The following TRPC4 variants were observed in gnomAD, a reference collection of about 807,000 sequenced individuals.
TRPC4 encodes the protein short transient receptor potential channel 4.
In TRPC4, 49 loss-of-function variants were observed where a neutral mutation model predicts 99.4. That is an observed-to-expected ratio of 0.49 (90% CI 0.39 to 0.63). The LOEUF (loss-of-function observed/expected upper bound fraction) is 0.63, where lower values mean the gene tolerates loss of function less well. Ranked by LOEUF, TRPC4 falls within the 20% of genes least tolerant of loss-of-function variation. The pLI, the probability that TRPC4 is intolerant of heterozygous loss-of-function variation, is 0.00. For synonymous variants in TRPC4, 454 were observed against 425.9 expected, an observed-to-expected ratio of 1.07 and a Z score of -0.81; for missense variants, 898 against 1,152.9, an observed-to-expected ratio of 0.78 and a Z score of 3.20.
In TRPC4 at chr13:37,633,965, T is replaced by C. The variant is rs1370660680; in HGVS notation, c.*2938A>G. Among the ~76,000 whole-genome samples, 1 of 152,086 alleles carries C rather than the reference T, an allele frequency of 6.6e-6. No individual in the cohort carries two copies. Among genetic ancestry groups the C allele is most frequent in the East Asian group, 1.9e-4 (1 of 5,198 alleles). On this transcript the variant is annotated 3_prime_UTR_variant, in exon 11 of 11. Transcript: ENST00000379705. Reference sequence around the variant, plus strand: ...TCTTTATAGCATACTTTCTTATAAATGGGACTTCCAAAATACAATTGTGAT... The same window carrying C: ...TCTTTATAGCATACTTTCTTATAAACGGGACTTCCAAAATACAATTGTGAT...
Position 37,672,276 on chromosome 13 carries a change from T to C in TRPC4, c.1374+1952A>G, listed in dbSNP as rs1032770409. ...CACACAAATGTAATAAATACAAACA[T>C]GATATAGCTTAGTTTAAATATTGTC... On this transcript the variant is annotated intron_variant, in intron 5 of 10. Coordinates refer to ENST00000379705, the MANE Select transcript of TRPC4 (RefSeq NM_016179.4). Among the ~76,000 whole-genome samples, 51 of 152,192 alleles carry C rather than the reference T, an allele frequency of 3.4e-4. 1 individual carries two copies. The highest frequency in any genetic ancestry group is 1.2e-3 in the African/African-American group (50 of 41,454).
At chr13:37,744,578 G>C (rs1955684411) in intron 3 of TRPC4, among the ~76,000 whole-genome samples, 1 of 152,226 alleles carries the variant, frequency 6.6e-6, no homozygotes, top group Non-Finnish European at 1.5e-5. Context: ...GGAAAAAATT[G>C]AGAAAGCAAG....
At chr13:37,859,117 T>C (rs1959200799) in intron 1 of TRPC4, among the ~76,000 whole-genome samples, 4 of 150,710 alleles carry the variant, frequency 2.7e-5, no homozygotes, top group African/African-American at 9.7e-5. Context: ...AATAAATCAG[T>C]TTACAGATAG....
chr13:37,788,126 G>A (rs75158340), intron 1 of TRPC4, among the ~76,000 whole-genome samples: 6,211 of 152,052 alleles, frequency 0.041, 199 homozygotes, highest in Non-Finnish European at 0.062. Context: ...CTTTCCCTCT[G>A]ATTTCAAAAG....
At chr13:37,760,453 A>C (rs1334387424) in intron 2 of TRPC4, among the ~76,000 whole-genome samples, 1 of 151,950 alleles carries the variant, frequency 6.6e-6, no homozygotes, top group Non-Finnish European at 1.5e-5. Context: ...GGGGAAGGGA[A>C]GTTATTATAA....
At chr13:37,692,745 C>T (rs918595719) in intron 3 of TRPC4, among the ~76,000 whole-genome samples, 1 of 152,122 alleles carries the variant, frequency 6.6e-6, no homozygotes, top group African/African-American at 2.4e-5. Flanking sequence ...TACAACATTA[C>T]ACTTAATTTT....
intron 4 of TRPC4, among the ~76,000 whole-genome samples, chr13:37,679,458 G>A (rs747776543): frequency 6.6e-6 from 1 of 152,086 alleles, no homozygotes; most frequent in Non-Finnish European, 1.5e-5. Context: ...TTTTCTGTAT[G>A]TTTGAAATTT....
chr13:37,830,832 A>C (rs1045566088), intron 1 of TRPC4, among the ~76,000 whole-genome samples: 1 of 148,550 alleles, frequency 6.7e-6, no homozygotes, highest in Admixed American at 6.7e-5. Flanking sequence ...ATATAATAGT[A>C]TAAAGTGTAG....
chr13:37,780,622 T>C (rs1328082909), intron 2 of TRPC4, among the ~76,000 whole-genome samples: 13 of 152,134 alleles, frequency 8.5e-5, no homozygotes, highest in African/African-American at 2.7e-4. Context: ...CCAAAAGATG[T>C]TGACCTTCCT....
At chr13:37,813,084 A>T (rs529727915) in intron 1 of TRPC4, among the ~76,000 whole-genome samples, 1 of 152,114 alleles carries the variant, frequency 6.6e-6, no homozygotes, top group South Asian at 2.1e-4. Flanking sequence ...GCATAAAATT[A>T]TAAATCAATA....
chr13:37,713,606 G>A (rs777983394), intron 3 of TRPC4, among the ~76,000 whole-genome samples: 1 of 152,060 alleles, frequency 6.6e-6, no homozygotes. Flanking sequence ...CTAAAAGAAC[G>A]TTTCAGTCTT....
At chr13:37,725,172 C>A (rs1208778735) in intron 3 of TRPC4, among the ~76,000 whole-genome samples, 1 of 151,758 alleles carries the variant, frequency 6.6e-6, no homozygotes, top group African/African-American at 2.4e-5. Context: ...GAAGATAAGA[C>A]AATTGAAATT....
At chr13:37,741,489 C>T (rs972711040) in intron 3 of TRPC4, among the ~76,000 whole-genome samples, 14 of 152,256 alleles carry the variant, frequency 9.2e-5, no homozygotes, top group African/African-American at 3.4e-4. Flanking sequence ...TGATTGGCAT[C>T]GGGATGGGAG....
intron 2 of TRPC4, among the ~76,000 whole-genome samples, chr13:37,746,866 C>T (rs968724313): frequency 6.6e-6 from 1 of 152,060 alleles, no homozygotes; most frequent in Admixed American, 6.6e-5. Flanking sequence ...GTTTTAAACC[C>T]AAGCTCTTTC....
intron 1 of TRPC4, among the ~76,000 whole-genome samples, chr13:37,844,331 G>A (rs1055163011): frequency 4.6e-5 from 7 of 150,612 alleles, no homozygotes; most frequent in Admixed American, 6.6e-5. Flanking sequence ...TTTCACTCTT[G>A]TTGCCCAGGC....
intron 3 of TRPC4, among the ~76,000 whole-genome samples, chr13:37,715,039 T>C (rs1392711987): frequency 6.6e-6 from 1 of 152,182 alleles, no homozygotes; most frequent in Non-Finnish European, 1.5e-5. Context: ...AATAAATTGA[T>C]GAAAGCAATG....
intron 5 of TRPC4, among the ~76,000 whole-genome samples, chr13:37,665,840 CAAAAAAAAA>C (rs1168472231): frequency 2.8e-5 from 2 of 71,022 alleles, no homozygotes; most frequent in Admixed American, 1.7e-4. Context: ...TCAGCTGAGA[CAAAAAAAAA>C]AAAAAAAAAA....
intron 5 of TRPC4, among the ~76,000 whole-genome samples, chr13:37,664,473 C>T (rs992460440): frequency 7.2e-5 from 11 of 151,882 alleles, no homozygotes; most frequent in African/African-American, 1.5e-4. Flanking sequence ...ATTAGGGAGG[C>T]TGAGGCAGGA....
At chr13:37,863,548 A>G (rs370769225) in intron 1 of TRPC4, among the ~76,000 whole-genome samples, 7 of 151,742 alleles carry the variant, frequency 4.6e-5, no homozygotes, top group African/African-American at 1.4e-4. Context: ...TCAAACTGCA[A>G]CTACCACAAA....
Sources: gnomAD v4.1 joint callset for allele counts (sites outside exome capture counted in the v4.1 genomes callset) on GRCh38, gnomAD v4.1.1 for gene constraint, MANE v1.5 for transcripts, NCBI Gene and HGNC (gene_info 2026-07-23, HGNC 2026-07-21) for gene names.